EPHB1: variants seen among roughly 807,000 people sequenced by gnomAD.
The protein encoded by EPHB1 is ephrin type-B receptor 1.
EPHB1 carries 30 observed loss-of-function variants against 94.4 expected under a neutral mutation model. The observed-to-expected ratio is 0.32, with a 90% confidence interval of 0.24 to 0.43. EPHB1 has a LOEUF of 0.43. Among genes scored for constraint, EPHB1 ranks in the 20% least tolerant of loss-of-function variants. The pLI is 1.00. For synonymous variants in EPHB1, 522 were observed against 489.1 expected (o/e 1.07, Z -0.89); for missense variants, 1,055 against 1,308.3 (o/e 0.81, Z 2.99).
chr3:134,931,519 TCTC>T (rs2038902669), intron 2 of EPHB1, among the ~76,000 whole-genome samples: 1 of 152,190 alleles, frequency 6.6e-6, no homozygotes, highest in Admixed American at 6.5e-5. Context: ...GGGCTTCCAG[TCTC>T]CTCCTCCTGT....
chr3:134,887,996 A>G (rs2037892491), intron 1 of EPHB1, among the ~76,000 whole-genome samples: 1 of 152,190 alleles, frequency 6.6e-6, no homozygotes, highest in South Asian at 2.1e-4. Context: ...GTGGCTTTGT[A>G]CTAGGGAAGG....
intron 3 of EPHB1, among the ~76,000 whole-genome samples, chr3:135,099,696 A>G (rs1938961551): frequency 6.6e-6 from 1 of 152,218 alleles, no homozygotes. Flanking sequence ...TAGTGGCCCA[A>G]TGTGGGGCCA....
chr3:135,191,997 G>A (rs1355179538), intron 10 of EPHB1, among the ~76,000 whole-genome samples: 1 of 152,162 alleles, frequency 6.6e-6, no homozygotes. Flanking sequence ...GGTGATCTTG[G>A]GCTGTCTCCG....
intron 1 of EPHB1, among the ~76,000 whole-genome samples, chr3:134,866,013 G>A (rs542339438): frequency 2.6e-5 from 4 of 152,202 alleles, no homozygotes; most frequent in Non-Finnish European, 5.9e-5. Flanking sequence ...GATGGTTAAC[G>A]GGAAAGGAAT....
chr3:134,824,900 A>C (rs541935491), intron 1 of EPHB1, among the ~76,000 whole-genome samples: 6 of 152,324 alleles, frequency 3.9e-5, no homozygotes, highest in Admixed American at 3.9e-4. Context: ...ATCAAGCAGT[A>C]GTAGAGGCTT....
Position 135,192,648 on chromosome 3 carries a change from C to A in EPHB1, c.1955C>A (p.Thr652Asn), listed in dbSNP as rs1262078917. 3.7e-6 allele frequency: 6 copies of A among 1,613,978 alleles called. No individual in the cohort carries two copies. The highest frequency in any genetic ancestry group is 4.2e-6 in the Non-Finnish European group (5 of 1,180,022). Residue 652 changes from threonine to asparagine, a missense_variant, in exon 11 of 16, where the codon ACC (threonine) becomes AAC (asparagine). Thr to Asn is a moderately conservative substitution (Grantham distance 65). Coordinates refer to ENST00000398015, the MANE Select transcript of EPHB1 (RefSeq NM_004441.5). ...GKREIYVAIK[T>N]LKAGYSEKQR... Reference sequence around the variant, plus strand: ...AGGGAAATCTACGTGGCCATCAAGACCCTGAAGGCAGGGTACTCGGAGAAG... The same window carrying A: ...AGGGAAATCTACGTGGCCATCAAGAACCTGAAGGCAGGGTACTCGGAGAAG...
chr3:135,155,527 G>C (rs1438387887), intron 6 of EPHB1, among the ~76,000 whole-genome samples: 1 of 152,084 alleles, frequency 6.6e-6, no homozygotes, highest in African/African-American at 2.4e-5. Flanking sequence ...GACTGGGCCG[G>C]GTGCAGTGGC....
chr3:134,925,451 C>T (rs777919554), intron 1 of EPHB1, among the ~76,000 whole-genome samples: 4 of 152,190 alleles, frequency 2.6e-5, no homozygotes, highest in African/African-American at 9.7e-5. Flanking sequence ...TTGTTCAACA[C>T]GGCCCTGGCA....
At chr3:135,018,231 C>G (rs1284011088) in intron 3 of EPHB1, among the ~76,000 whole-genome samples, 1 of 152,118 alleles carries the variant, frequency 6.6e-6, no homozygotes, top group South Asian at 2.1e-4. Context: ...AGCTTAGACC[C>G]ATTAAGGCAG....
chr3:134,853,670 A>G (rs983066383), intron 1 of EPHB1, among the ~76,000 whole-genome samples: 3 of 152,182 alleles, frequency 2.0e-5, no homozygotes, highest in Non-Finnish European at 4.4e-5. Context: ...TTCAAGATGG[A>G]AGGTGGTAGC....
chr3:134,989,667 C>T (rs966945318), intron 3 of EPHB1, among the ~76,000 whole-genome samples: 8 of 151,916 alleles, frequency 5.3e-5, no homozygotes, highest in African/African-American at 1.4e-4. Flanking sequence ...GATGTGATCA[C>T]GGTAATCTTT....
intron 15 of EPHB1, among the ~76,000 whole-genome samples, chr3:135,257,263 AC>A (rs1382821506): frequency 2.0e-5 from 3 of 152,194 alleles, no homozygotes; most frequent in South Asian, 4.1e-4. Flanking sequence ...CTGGTGAGGA[AC>A]TGCGTTCCTT....
chr3:134,941,780 C>T (rs896256283), intron 2 of EPHB1, among the ~76,000 whole-genome samples: 2 of 151,644 alleles, frequency 1.3e-5, no homozygotes, highest in African/African-American at 4.9e-5. Flanking sequence ...CACACACACA[C>T]ACACACACAC....
Position 134,795,463 on chromosome 3 carries a change from A to T in EPHB1, c.-169A>T. ...CGCGCGCCCGCACCGCCCCACGCGC[A>T]CACACTCCTGCCCACGCCCACGCAG... On this transcript the variant is annotated 5_prime_UTR_variant, in exon 1 of 16. Transcript: ENST00000398015. 1 of 618,722 alleles carries T rather than the reference A, an allele frequency of 1.6e-6. No individual in the cohort carries two copies. The highest frequency in any genetic ancestry group is 2.7e-6 in the Non-Finnish European group (1 of 369,532). The allele number at this position is 618,722 out of a possible 1,614,324, so 38.3% of individuals were successfully genotyped here.
At chr3:135,142,297 T>A (rs1380026938) in intron 5 of EPHB1, among the ~76,000 whole-genome samples, 1 of 152,184 alleles carries the variant, frequency 6.6e-6, no homozygotes, top group Non-Finnish European at 1.5e-5. Context: ...TCATTTGAAG[T>A]TGGTGATCAC....
intron 3 of EPHB1, among the ~76,000 whole-genome samples, chr3:134,963,368 T>C (rs1933604161): frequency 6.6e-6 from 1 of 152,180 alleles, no homozygotes; most frequent in Non-Finnish European, 1.5e-5. Context: ...ATGCTCTGTT[T>C]ACCTGGGCTA....
intron 1 of EPHB1, among the ~76,000 whole-genome samples, chr3:134,807,440 T>C (rs1487444840): frequency 1.3e-5 from 2 of 150,816 alleles, no homozygotes; most frequent in Non-Finnish European, 2.9e-5. Context: ...CATCAGCTGC[T>C]AGGAGAAACC....
chr3:134,859,176 T>C (rs2037189654), intron 1 of EPHB1, among the ~76,000 whole-genome samples: 1 of 152,212 alleles, frequency 6.6e-6, no homozygotes, highest in African/African-American at 2.4e-5. Flanking sequence ...GTTAACTGGT[T>C]TAGATTCTGA....
At chr3:134,869,127 T>C (rs2037444192) in intron 1 of EPHB1, among the ~76,000 whole-genome samples, 1 of 152,134 alleles carries the variant, frequency 6.6e-6, no homozygotes, top group Non-Finnish European at 1.5e-5. Flanking sequence ...ATGATGATGA[T>C]GATTTTGATG....
Sources: allele counts gnomAD v4.1 joint callset (sites outside exome capture counted in the v4.1 genomes callset), GRCh38; gene constraint gnomAD v4.1.1; transcripts MANE v1.5; gene names NCBI Gene and HGNC (gene_info 2026-07-23, HGNC 2026-07-21).